The following WDPCP variants were observed in gnomAD, a reference collection of about 807,000 sequenced individuals.
WDPCP encodes WD repeat-containing and planar cell polarity effector protein fritz homolog.
In WDPCP, 71 loss-of-function variants were observed where a neutral mutation model predicts 93.1. The observed-to-expected ratio is 0.76, with a 90% CI of 0.63 to 0.93. The LOEUF (loss-of-function observed/expected upper bound fraction) is 0.93, where lower values mean the gene tolerates loss of function less well. Ranked by LOEUF, WDPCP falls within the 40% of genes least tolerant of loss-of-function variation. WDPCP has a pLI of 0.00. For synonymous variants in WDPCP, 315 were observed against 315.0 expected, an observed-to-expected ratio of 1.00 and a Z score of 0.00; for missense variants, 844 against 887.4, an observed-to-expected ratio of 0.95 and a Z score of 0.62.
intron 2 of WDPCP, among the ~76,000 whole-genome samples, chr2:63,721,692 C>A (rs542813708): frequency 1.3e-5 from 2 of 150,880 alleles, no homozygotes; most frequent in Admixed American, 1.3e-4. Context: ...ATGCTCCCTG[C>A]CCTCCCGCTC....
intron 12 of WDPCP, among the ~76,000 whole-genome samples, chr2:63,358,179 C>T (rs530758505): frequency 5.2e-4 from 79 of 152,170 alleles, no homozygotes; most frequent in African/African-American, 1.9e-3. Flanking sequence ...CAACAACCAT[C>T]ATGACACATG....
intron 2 of WDPCP, among the ~76,000 whole-genome samples, chr2:63,660,856 A>G (rs1575741256): frequency 6.6e-6 from 1 of 152,230 alleles, no homozygotes; most frequent in East Asian, 1.9e-4. Flanking sequence ...TATAAGAATT[A>G]AAGTATAAAT....
intron 14 of WDPCP, among the ~76,000 whole-genome samples, chr2:63,216,400 C>A (rs1677342708): frequency 6.6e-6 from 1 of 152,138 alleles, no homozygotes; most frequent in South Asian, 2.1e-4. Flanking sequence ...AGTTCATGTC[C>A]ATTCTAGGGA....
intron 2 of WDPCP, among the ~76,000 whole-genome samples, chr2:63,719,206 G>A (rs192447286): frequency 2.0e-5 from 3 of 152,326 alleles, no homozygotes; most frequent in East Asian, 1.9e-4. Flanking sequence ...AGTACAAGAG[G>A]TGAGGACAGT....
At chr2:63,342,604 C>G (rs1438237329) in intron 12 of WDPCP, among the ~76,000 whole-genome samples, 1 of 152,128 alleles carries the variant, frequency 6.6e-6, no homozygotes, top group Non-Finnish European at 1.5e-5. Context: ...TCAATTCACA[C>G]CAACGTAGCT....
intron 2 of WDPCP, among the ~76,000 whole-genome samples, chr2:63,778,719 T>C (rs1670342442): frequency 6.6e-6 from 1 of 152,176 alleles, no homozygotes; most frequent in Admixed American, 6.6e-5. Context: ...AGCAGCACTG[T>C]TCAGCTTTTA....
In WDPCP at chr2:63,313,881, TATATA is replaced by T. The variant is rs1279689420; in HGVS notation, c.1749-575_1749-571del. Reference sequence around the variant, plus strand: ...ATATATATATATATATATATATATATATATATTTTTTTTTTTTTGGAGATGGAGTC... The same window carrying T: ...ATATATATATATATATATATATATATTTTTTTTTTTTTTGGAGATGGAGTC... On this transcript the variant is annotated intron_variant, in intron 12 of 17. Transcript: ENST00000272321. Among the ~76,000 whole-genome samples the T allele has an allele frequency of 8.9e-3, 705 of 79,080 alleles. 25 individuals carry two copies. The highest frequency in any genetic ancestry group is 0.068 in the Middle Eastern group (12 of 176). The allele number at this position is 79,080 out of a possible 152,430, so 51.9% of individuals were successfully genotyped here.
At chr2:63,461,955 A>C (rs1414176848) in intron 6 of WDPCP, among the ~76,000 whole-genome samples, 2 of 152,234 alleles carry the variant, frequency 1.3e-5, no homozygotes, top group Non-Finnish European at 2.9e-5. Flanking sequence ...TTCCTCAAGG[A>C]TCTAGAACTA....
chr2:63,256,065 T>C (rs1323650496), intron 14 of WDPCP, among the ~76,000 whole-genome samples: 1 of 152,166 alleles, frequency 6.6e-6, no homozygotes, highest in African/African-American at 2.4e-5. Flanking sequence ...ATCATATTCA[T>C]GGATTGGAAA....
chr2:63,611,383 T>C (rs1404015884), intron 3 of WDPCP, among the ~76,000 whole-genome samples: 1 of 152,216 alleles, frequency 6.6e-6, no homozygotes, highest in Non-Finnish European at 1.5e-5. Context: ...AGCAGCCTTC[T>C]GGATTTGATA....
chr2:63,519,064 C>CTT (rs1702749262), intron 1 of WDPCP: 1 of 151,826 alleles, frequency 6.6e-6, no homozygotes, highest in Non-Finnish European at 1.5e-5. Context: ...GCCACCCCCC[C>CTT]CCCATGTTGC....
chr2:63,667,998 C>G (rs536373459), intron 2 of WDPCP, among the ~76,000 whole-genome samples: 2 of 152,258 alleles, frequency 1.3e-5, no homozygotes, highest in Admixed American at 1.3e-4. Flanking sequence ...CTCCAGTTCT[C>G]TTTGTTCTAA....
At chr2:63,202,266 G>A (rs1471697238) in intron 14 of WDPCP, among the ~76,000 whole-genome samples, 2 of 151,820 alleles carry the variant, frequency 1.3e-5, no homozygotes, top group African/African-American at 4.8e-5. Flanking sequence ...CCTTTTGATT[G>A]TATTTTGTTA....
At chr2:63,534,927 G>C (rs530991883) in intron 1 of WDPCP, among the ~76,000 whole-genome samples, 26 of 152,298 alleles carry the variant, frequency 1.7e-4, no homozygotes, top group Admixed American at 1.4e-3. Context: ...AATTGTTCCT[G>C]TTTGCAGATG....
chr2:63,199,047 G>A (rs1428339552), intron 14 of WDPCP, among the ~76,000 whole-genome samples: 1 of 152,180 alleles, frequency 6.6e-6, no homozygotes, highest in Non-Finnish European at 1.5e-5. Flanking sequence ...CTGGGGATCT[G>A]TGGAACTTTC....
intron 9 of WDPCP, among the ~76,000 whole-genome samples, chr2:63,406,320 A>C (rs1421569331): frequency 1.3e-5 from 2 of 152,146 alleles, no homozygotes; most frequent in African/African-American, 4.8e-5. Context: ...CATAGGATCC[A>C]TATCCAACTC....
At chr2:63,576,514 T>C (rs910398048) in intron 1 of WDPCP, among the ~76,000 whole-genome samples, 2 of 152,250 alleles carry the variant, frequency 1.3e-5, no homozygotes, top group Admixed American at 1.3e-4. Context: ...CATGCCACTC[T>C]GCAGGCACCG....
intron 10 of WDPCP, among the ~76,000 whole-genome samples, chr2:63,396,820 T>C (rs1183015140): frequency 6.6e-6 from 1 of 152,146 alleles, no homozygotes; most frequent in Non-Finnish European, 1.5e-5. Context: ...CCTCCCAAAC[T>C]CCACCCTCAA....
At chr2:63,164,309 A>G (rs937297749) in intron 15 of WDPCP, among the ~76,000 whole-genome samples, 12 of 152,188 alleles carry the variant, frequency 7.9e-5, no homozygotes, top group African/African-American at 2.9e-4. Context: ...GACATTAGAT[A>G]TGTCAAACTG....
Sources: gnomAD v4.1 joint callset for allele counts (sites outside exome capture counted in the v4.1 genomes callset) on GRCh38, gnomAD v4.1.1 for gene constraint, MANE v1.5 for transcripts, NCBI Gene and HGNC (gene_info 2026-07-23, HGNC 2026-07-21) for gene names.